Variants in PIK3C3 observed in about 807,000 individuals in gnomAD.
PIK3C3 encodes phosphatidylinositol 3-kinase catalytic subunit type 3.
A neutral mutation model predicts 126.1 loss-of-function variants in PIK3C3; 95 were observed. That is an observed-to-expected ratio of 0.75 (90% CI 0.64 to 0.89). The LOEUF (loss-of-function observed/expected upper bound fraction) is 0.89. Ranked by LOEUF, PIK3C3 falls within the 40% of genes least tolerant of loss-of-function variation. The probability of loss-of-function intolerance (pLI) is 0.00; values close to 1 mark genes in which losing one functional copy is unlikely to be tolerated. For synonymous variants in PIK3C3, 374 were observed against 360.0 expected, an observed-to-expected ratio of 1.04 and a Z score of -0.44; for missense variants, 829 against 1,063.2, an observed-to-expected ratio of 0.78 and a Z score of 3.06.
At chr18:41,967,608 A>G (rs1300069371) in intron 3 of PIK3C3, among the ~76,000 whole-genome samples, 1 of 152,198 alleles carries the variant, frequency 6.6e-6, no homozygotes, top group Non-Finnish European at 1.5e-5. Context: ...ATGAGGCAGA[A>G]CTTCTTGGAG....
rs900552188 is a variant in PIK3C3 at position 42,072,762 on chromosome 18, C to A, written c.2649+5249C>A. Among the ~76,000 whole-genome samples the A allele has an allele frequency of 2.0e-5, 3 of 152,168 alleles. No homozygotes were observed. The East Asian group carries it at 5.8e-4, about 29-fold the overall frequency. On this transcript the variant is annotated intron_variant, in intron 24 of 24. Coordinates refer to ENST00000262039, the MANE Select transcript of PIK3C3 (RefSeq NM_002647.4). ...TGTTGCCCAAGCGGTTCTCAAACTC[C>A]TGGCCTCAAGCAATCCTCCTGCCTC...
At chr18:41,963,443 G>C (rs749846540) in intron 3 of PIK3C3, among the ~76,000 whole-genome samples, 1 of 151,936 alleles carries the variant, frequency 6.6e-6, no homozygotes, top group Non-Finnish European at 1.5e-5. Context: ...TCTCATTTTT[G>C]GTCAGTAGGA....
intron 21 of PIK3C3, among the ~76,000 whole-genome samples, chr18:42,053,296 A>C (rs1984887183): frequency 6.6e-6 from 1 of 152,142 alleles, no homozygotes; most frequent in South Asian, 2.1e-4. Flanking sequence ...TCAATTATGG[A>C]TTTCCCAGAC....
At chr18:41,960,918 T>A (rs889212619) in intron 2 of PIK3C3, among the ~76,000 whole-genome samples, 1 of 152,018 alleles carries the variant, frequency 6.6e-6, no homozygotes, top group Non-Finnish European at 1.5e-5. Context: ...ATTTTTGTAT[T>A]TTTAGTAGAG....
chr18:42,055,157 A>C (rs1985006875), intron 21 of PIK3C3, among the ~76,000 whole-genome samples: 1 of 151,984 alleles, frequency 6.6e-6, no homozygotes, highest in Non-Finnish European at 1.5e-5. Context: ...ACTGTGCTGG[A>C]GGTAATGAGT....
chr18:41,991,622 T>C (rs1981783151), intron 6 of PIK3C3, among the ~76,000 whole-genome samples: 1 of 152,198 alleles, frequency 6.6e-6, no homozygotes, highest in African/African-American at 2.4e-5. Flanking sequence ...TTTTAAAATA[T>C]GTATACTTTT....
chr18:42,033,156 T>C, intron 15 of PIK3C3, among the ~76,000 whole-genome samples: 2 of 152,298 alleles, frequency 1.3e-5, no homozygotes, highest in South Asian at 4.1e-4. Context: ...AATTGTTCTT[T>C]TGAAATTGAA....
intron 24 of PIK3C3, among the ~76,000 whole-genome samples, 187 bp downstream of exon 24, chr18:42,067,700 T>C (rs1985602744): frequency 1.3e-5 from 2 of 152,252 alleles, no homozygotes; most frequent in Non-Finnish European, 2.9e-5. Flanking sequence ...AACATCTGCT[T>C]TTCTTAGTAA....
intron 4 of PIK3C3, among the ~76,000 whole-genome samples, chr18:41,972,855 G>A (rs1245649832): frequency 1.3e-5 from 2 of 151,978 alleles, no homozygotes; most frequent in African/African-American, 4.8e-5. Flanking sequence ...TTTCAGAACT[G>A]TTGTATATCC....
intron 23 of PIK3C3, among the ~76,000 whole-genome samples, chr18:42,065,822 A>G (rs766968824): frequency 3.9e-5 from 6 of 152,234 alleles, no homozygotes; most frequent in Non-Finnish European, 7.4e-5. Flanking sequence ...AGCCTAACAT[A>G]AGTCAGTAAA....
chr18:42,049,441 T>C (rs1305132283), intron 20 of PIK3C3, 90 bp from the exon 21 acceptor site: 3 of 823,616 alleles, frequency 3.6e-6, no homozygotes, highest in Non-Finnish European at 3.9e-6. Flanking sequence ...CAAATTGATA[T>C]TAAAGTTGCA....
intron 15 of PIK3C3, 55 bp downstream of exon 15, chr18:42,029,496 C>G: frequency 2.6e-6 from 2 of 781,066 alleles, no homozygotes; most frequent in South Asian, 3.0e-5. Context: ...TCAGAAAATA[C>G]TGAATTTTCA....
At chr18:42,062,229 A>C (rs1166911847) in intron 22 of PIK3C3, among the ~76,000 whole-genome samples, 3 of 149,870 alleles carry the variant, frequency 2.0e-5, no homozygotes, top group Non-Finnish European at 4.4e-5. Context: ...GAGTTAGTTG[A>C]AAGAGCATCT....
intron 13 of PIK3C3, among the ~76,000 whole-genome samples, chr18:42,021,265 C>T (rs965926020): frequency 4.6e-5 from 7 of 152,082 alleles, no homozygotes; most frequent in Admixed American, 4.6e-4. Flanking sequence ...ATAAATATCT[C>T]TATTTCACAT....
In PIK3C3 at chr18:42,081,859, T is replaced by C. The variant is rs1986262704; in HGVS notation, c.*722T>C. 6.6e-6 allele frequency: 1 copy of C among 152,222 alleles called. No individual in the cohort carries two copies. The highest frequency in any genetic ancestry group is 1.5e-5 in the Non-Finnish European group (1 of 68,018). The allele number at this position is 152,222 out of a possible 1,614,324, so 9.4% of individuals were successfully genotyped here. ...CAAAAGGTCATATGACCACCAGTTT[T>C]AGTATTGAGCATAAGATATTTTTAC... is the stretch of plus-strand genomic sequence containing the variant. On this transcript the variant is annotated 3_prime_UTR_variant, in exon 25 of 25. Transcript: ENST00000262039.
In PIK3C3 at chr18:41,959,681, C is replaced by T. The variant is rs1301589846; in HGVS notation, c.257+1923C>T. ...TGGTGGCAGGTACCTGTAATCCCAGCTACTTGGGAGGCTAAGGCAGGAGAA... is the reference window on the plus strand; with the variant it reads ...TGGTGGCAGGTACCTGTAATCCCAGTTACTTGGGAGGCTAAGGCAGGAGAA... On this transcript the variant is annotated intron_variant, in intron 2 of 24. Transcript: ENST00000262039. Among the ~76,000 whole-genome samples the T allele has an allele frequency of 3.3e-5, 5 of 152,034 alleles. No individual in the cohort carries two copies. In the East Asian group the frequency reaches 9.6e-4, roughly 29 times the overall value.
chr18:41,982,241 A>G (rs1598865397), intron 4 of PIK3C3, among the ~76,000 whole-genome samples: 1 of 152,162 alleles, frequency 6.6e-6, no homozygotes, highest in Non-Finnish European at 1.5e-5. Context: ...AATTGACAAA[A>G]TGCAACCCTG....
At chr18:42,009,758 T>C (rs750674949) in intron 10 of PIK3C3, among the ~76,000 whole-genome samples, 1 of 151,380 alleles carries the variant, frequency 6.6e-6, no homozygotes, top group Non-Finnish European at 1.5e-5. Flanking sequence ...ATGTACATTA[T>C]GTAATGCTTA....
intron 22 of PIK3C3, among the ~76,000 whole-genome samples, chr18:42,059,522 A>G (rs1985222519): frequency 6.6e-6 from 1 of 152,210 alleles, no homozygotes; most frequent in African/African-American, 2.4e-5. Flanking sequence ...GAGGTGCTCT[A>G]TCTTATTGAA....
Sources: gnomAD v4.1 joint callset for allele counts (sites outside exome capture counted in the v4.1 genomes callset) on GRCh38, gnomAD v4.1.1 for gene constraint, MANE v1.5 for transcripts, NCBI Gene and HGNC (gene_info 2026-07-23, HGNC 2026-07-21) for gene names.